Variants in ARRB1 observed in about 807,000 individuals in gnomAD.
The protein encoded by ARRB1 is arrestin beta 1, also known as beta-arrestin-1.
ARRB1 carries 21 observed loss-of-function variants against 56.8 expected under a neutral mutation model. The ratio of observed to expected loss-of-function variants is 0.37; its 90% CI spans 0.26 to 0.53. ARRB1 has a LOEUF of 0.53. ARRB1 is among the 20% of genes least tolerant of loss of function. The probability of loss-of-function intolerance (pLI) is 0.88; values close to 1 mark genes in which losing one functional copy is unlikely to be tolerated. For synonymous variants in ARRB1, 210 were observed against 218.6 expected (o/e 0.96, Z 0.35); for missense variants, 424 against 553.7 (o/e 0.77, Z 2.35).
chr11:75,281,831 T>C (rs1285866619), intron 6 of ARRB1, 131 bp downstream of exon 6: 23 of 931,058 alleles, frequency 2.5e-5, no homozygotes, highest in Non-Finnish European at 3.6e-5. Flanking sequence ...GGGACCAGCT[T>C]AGCCTAGACA....
At chr11:75,294,330 G>A (rs1488316635) in intron 1 of ARRB1, among the ~76,000 whole-genome samples, 1 of 152,040 alleles carries the variant, frequency 6.6e-6, no homozygotes, top group African/African-American at 2.4e-5. Context: ...GCCGAGGTGG[G>A]AGGATCACTT....
chr11:75,278,674 C>A lies in ARRB1; in HGVS notation c.553G>T (p.Glu185Ter). The A allele has an allele frequency of 6.2e-7, 1 of 1,614,164 alleles. No individual in the cohort carries two copies. Among genetic ancestry groups the A allele is most frequent in the Non-Finnish European group, 8.5e-7 (1 of 1,180,010 alleles). ...PERPGPQPTAETTRQFLMSDK... is the reference protein window; with the variant it reads ...PERPGPQPTA Reference sequence around the variant, plus strand: ...GACATGAGGAACTGCCTGGTGGTCTCGGCTGTGGGCTGGGGGCCAGGCCTC... The same window carrying A: ...GACATGAGGAACTGCCTGGTGGTCTAGGCTGTGGGCTGGGGGCCAGGCCTC... Residue 185 changes from glutamate to a stop codon, truncating the protein, a stop_gained, in exon 8 of 16, where the codon GAG (glutamate) becomes TAG (stop). Transcript: ENST00000420843. LOFTEE classifies it high-confidence loss of function.
chr11:75,323,921 A>G (rs1417547081), intron 1 of ARRB1, among the ~76,000 whole-genome samples: 6 of 152,226 alleles, frequency 3.9e-5, no homozygotes, highest in Non-Finnish European at 8.8e-5. Context: ...AGGAACAATC[A>G]TTAACGAATC....
In ARRB1 at chr11:75,284,277, C is replaced by T; in HGVS notation, c.115G>A (p.Gly39Ser). The part of the protein sequence containing the change: ...DHIDLVDPVD[G>S]VVLVDPEYLK... ...TACTCAGGATCCACCAGGACCACACCATCTGGGGAAAGGACAGAGAGTAAG... is the reference window on the plus strand; with the variant it reads ...TACTCAGGATCCACCAGGACCACACTATCTGGGGAAAGGACAGAGAGTAAG... The change falls in exon 4 of 16, where the codon GGT (glycine) becomes AGT (serine). Residue 39 changes from glycine to serine, a missense_variant and splice_region_variant. Around this residue, in one of 3 missense-constraint regions of ARRB1, gnomAD observed 301 missense variants for 387.9 expected, o/e 0.78. Transcript: ENST00000420843. The T allele has an allele frequency of 6.2e-7, 1 of 1,607,686 alleles. No individual in the cohort carries two copies. Among genetic ancestry groups the T allele is most frequent in the Non-Finnish European group, 8.5e-7 (1 of 1,175,608 alleles).
intron 3 of ARRB1, among the ~76,000 whole-genome samples, chr11:75,286,086 GC>G (rs1554974572): frequency 2.6e-5 from 4 of 151,972 alleles, no homozygotes; most frequent in Non-Finnish European, 5.9e-5. Context: ...CAGCCCCCTG[GC>G]CCTGGGAGCC....
intron 1 of ARRB1, among the ~76,000 whole-genome samples, chr11:75,339,460 C>T (rs1448762097): frequency 6.6e-6 from 1 of 152,236 alleles, no homozygotes; most frequent in East Asian, 1.9e-4. Context: ...GAAACCAGTG[C>T]CTGACACTAT....
At chr11:75,303,750 TCCAGGCACCA>T in intron 1 of ARRB1, 2 of 453,180 alleles carry the variant, frequency 4.4e-6, no homozygotes, top group Non-Finnish European at 8.9e-6. Flanking sequence ...CCAGTTCCGT[TCCAGGCACCA>T]CCAGGCACCC....
chr11:75,278,733 C>A lies in ARRB1; in HGVS notation c.494G>T (p.Arg165Leu), dbSNP rs200290486. 6.2e-7 allele frequency: 1 copy of A among 1,609,746 alleles called. No homozygotes were observed. The highest frequency in any genetic ancestry group is 1.3e-5 in the African/African-American group (1 of 74,760). Residue 165 changes from arginine to leucine, a missense_variant, in exon 8 of 16, where the codon CGT becomes CTT. Transcript: ENST00000420843. ...ATACTGAACCTTCCGGATGACCAGA[C>A]GCACAGAATTCCTAATGGAGATGGG... ...EEKIHKRNSV[R>L]LVIRKVQYAP... is the part of the protein sequence containing the mutation.
intron 1 of ARRB1, among the ~76,000 whole-genome samples, chr11:75,341,505 A>G (rs149908602): frequency 1.4e-4 from 21 of 152,160 alleles, no homozygotes; most frequent in African/African-American, 5.1e-4. Context: ...TATTATACCT[A>G]TTTCCCAAAG....
chr11:75,345,940 C>A (rs1947760405), intron 1 of ARRB1, among the ~76,000 whole-genome samples: 1 of 152,156 alleles, frequency 6.6e-6, no homozygotes, highest in South Asian at 2.1e-4. Flanking sequence ...GGTAAGGAAG[C>A]ATCAACTGAG....
intron 1 of ARRB1, among the ~76,000 whole-genome samples, chr11:75,349,931 C>T (rs1947821764): frequency 6.6e-6 from 1 of 152,260 alleles, no homozygotes; most frequent in Admixed American, 6.5e-5. Context: ...AGAGACATGA[C>T]CAAGTGGACT....
intron 1 of ARRB1, among the ~76,000 whole-genome samples, chr11:75,342,353 A>G (rs934969021): frequency 6.6e-6 from 1 of 151,980 alleles, no homozygotes; most frequent in Non-Finnish European, 1.5e-5. Context: ...TGGGCCAAGG[A>G]GCAATGCTTG....
intron 7 of ARRB1, among the ~76,000 whole-genome samples, chr11:75,279,161 A>C (rs1455792369): frequency 6.6e-6 from 1 of 152,238 alleles, no homozygotes; most frequent in Non-Finnish European, 1.5e-5. Context: ...ATTTGTGTCT[A>C]AGGTGTTCAC....
At chr11:75,311,794 T>C (rs1335869415) in intron 1 of ARRB1, among the ~76,000 whole-genome samples, 1 of 152,184 alleles carries the variant, frequency 6.6e-6, no homozygotes, top group Non-Finnish European at 1.5e-5. Flanking sequence ...CTCTTCTCAC[T>C]GAAGTGGGGG....
At chr11:75,339,846 G>T (rs1259599389) in intron 1 of ARRB1, among the ~76,000 whole-genome samples, 2 of 152,216 alleles carry the variant, frequency 1.3e-5, no homozygotes, top group Admixed American at 1.3e-4. Flanking sequence ...CTCCTCAGGA[G>T]GGCAGCGATG....
At chr11:75,321,333 C>A (rs1480099472) in intron 1 of ARRB1, among the ~76,000 whole-genome samples, 1 of 143,546 alleles carries the variant, frequency 7.0e-6, no homozygotes, top group South Asian at 2.3e-4. Flanking sequence ...GCCTGGGAGG[C>A]AGAAGCTGTG....
chr11:75,290,897 G>T (rs149824519), intron 1 of ARRB1, among the ~76,000 whole-genome samples: 1 of 152,004 alleles, frequency 6.6e-6, no homozygotes, highest in African/African-American at 2.4e-5. Flanking sequence ...GAGCCACCAC[G>T]CCCAACCAAC....
intron 1 of ARRB1, among the ~76,000 whole-genome samples, chr11:75,332,657 GA>G (rs1947539489): frequency 6.6e-6 from 1 of 152,198 alleles, no homozygotes; most frequent in Non-Finnish European, 1.5e-5. Context: ...AGCACTTTGG[GA>G]GGCCGAGGCA....
At chr11:75,290,857 G>A (rs1168925231) in intron 1 of ARRB1, among the ~76,000 whole-genome samples, 1 of 152,084 alleles carries the variant, frequency 6.6e-6, no homozygotes, top group East Asian at 1.9e-4. Flanking sequence ...TGCCCACCTC[G>A]ACTTCCCAAA....
Sources: gnomAD v4.1 joint callset for allele counts (sites outside exome capture counted in the v4.1 genomes callset) on GRCh38, gnomAD v4.1.1 for gene constraint, gnomAD v4.1.1 regional missense constraint, MANE v1.5 for transcripts, NCBI Gene and HGNC (gene_info 2026-07-23, HGNC 2026-07-21) for gene names.